The following PSD3 variants were observed in gnomAD, a reference collection of about 807,000 sequenced individuals.
The protein encoded by PSD3 is PH and SEC7 domain-containing protein 3.
Under a neutral mutation model 105.5 loss-of-function variants are expected in PSD3, and 49 were observed. The ratio of observed to expected loss-of-function variants is 0.46; its 90% CI spans 0.37 to 0.59. The LOEUF (loss-of-function observed/expected upper bound fraction) is 0.59, where lower values mean the gene tolerates loss of function less well. Ranked by LOEUF, PSD3 falls within the 20% of genes least tolerant of loss-of-function variation. The pLI, the probability that PSD3 is intolerant of heterozygous loss-of-function variation, is 0.00. For missense variants in PSD3, 1,561 were observed against 1,263.8 expected, an observed-to-expected ratio of 1.24 and a Z score of -3.57; for synonymous variants, 557 against 457.8, an observed-to-expected ratio of 1.22 and a Z score of -2.77.
intron 1 of PSD3, among the ~76,000 whole-genome samples, chr8:18,962,995 G>C (rs972738601): frequency 6.6e-6 from 1 of 152,198 alleles, no homozygotes; most frequent in East Asian, 1.9e-4. Context: ...ACCTGAGACT[G>C]GGGATAAAAA....
intron 4 of PSD3, among the ~76,000 whole-genome samples, chr8:18,839,374 A>G (rs1814420105): frequency 6.6e-6 from 1 of 152,194 alleles, no homozygotes; most frequent in Non-Finnish European, 1.5e-5. Flanking sequence ...ATAAACACCA[A>G]AAACAGTGGG....
chr8:19,084,338 T>C (rs1206444248), exon 1 of PSD3: 3 of 456,098 alleles, frequency 6.6e-6, no homozygotes, highest in Admixed American at 4.7e-5. Flanking sequence ...TGGGGAGTAT[T>C]TGGCAGGTCT....
rs532926075 is a variant in PSD3, at chr8:18,708,976, C to T, written c.2173-53291G>A. Among the ~76,000 whole-genome samples, 5 of 152,276 alleles carry T rather than the reference C, an allele frequency of 3.3e-5. No homozygotes were observed. The South Asian group carries it at 8.3e-4, about 25-fold the overall frequency. On this transcript the variant is annotated intron_variant, in intron 9 of 15. Coordinates refer to ENST00000327040, the MANE Select transcript of PSD3 (RefSeq NM_015310.4). Reference sequence around the variant, plus strand: ...TTTTTCCAAGTATCTATGCAACCTGCGGATCAGGAGATCCCCTTGTGAACC... The same window carrying T: ...TTTTTCCAAGTATCTATGCAACCTGTGGATCAGGAGATCCCCTTGTGAACC...
At chr8:18,550,230 T>A (rs1800680308) in intron 15 of PSD3, among the ~76,000 whole-genome samples, 1 of 152,324 alleles carries the variant, frequency 6.6e-6, no homozygotes, top group South Asian at 2.1e-4. Context: ...TTCTTTGCAA[T>A]CATCTACTAA....
chr8:18,758,210 A>C (rs1585862311), intron 9 of PSD3, among the ~76,000 whole-genome samples: 1 of 152,178 alleles, frequency 6.6e-6, no homozygotes, highest in African/African-American at 2.4e-5. Flanking sequence ...ACTCAGCGAT[A>C]ATCAGGAAGT....
chr8:18,730,824 A>G (rs1363158390), intron 9 of PSD3, among the ~76,000 whole-genome samples: 1 of 152,166 alleles, frequency 6.6e-6, no homozygotes, highest in Admixed American at 6.5e-5. Flanking sequence ...GAAAGACAAG[A>G]TGTGTGTACT....
At chr8:18,551,029 C>T (rs772802141) in intron 15 of PSD3, among the ~76,000 whole-genome samples, 14 of 152,184 alleles carry the variant, frequency 9.2e-5, no homozygotes, top group Non-Finnish European at 8.8e-5. Flanking sequence ...GCTATCTTTG[C>T]ACTTTTATGA....
chr8:18,578,672 G>A (rs1802612800), intron 12 of PSD3, among the ~76,000 whole-genome samples: 1 of 151,658 alleles, frequency 6.6e-6, no homozygotes, highest in African/African-American at 2.4e-5. Flanking sequence ...TATATTATCT[G>A]CTGATATCTT....
At chr8:18,906,171 C>A (rs756014251) in intron 2 of PSD3, among the ~76,000 whole-genome samples, 1 of 151,960 alleles carries the variant, frequency 6.6e-6, no homozygotes, top group Non-Finnish European at 1.5e-5. Flanking sequence ...AGCTACAGAC[C>A]CTCTCCTGAC....
chr8:18,925,722 CGA>C (rs1821320534), intron 2 of PSD3, among the ~76,000 whole-genome samples: 1 of 152,016 alleles, frequency 6.6e-6, no homozygotes, highest in African/African-American at 2.4e-5. Flanking sequence ...TTATAAAATT[CGA>C]GAGAGAAGTC....
intron 9 of PSD3, among the ~76,000 whole-genome samples, chr8:18,704,189 C>T: frequency 6.6e-6 from 1 of 152,174 alleles, no homozygotes; most frequent in Non-Finnish European, 1.5e-5. Context: ...CATAGCTTCA[C>T]ACAACCCTTT....
chr8:18,868,033 A>C lies in PSD3; in HGVS notation c.1275T>G (p.Asp425Glu). 1 of 1,613,274 alleles carries C rather than the reference A, an allele frequency of 6.2e-7. No homozygotes were observed. Among genetic ancestry groups the C allele is most frequent in the Non-Finnish European group, 8.5e-7 (1 of 1,179,694 alleles). ...TATATCCAGGCCCAAGGATGTCTTC[A>C]TCTTCCCCCTTAACGTGCTCCTCTT... Reference protein sequence around the residue: ...SEQEEHVKGEDEDILGPGYTE... With the variant: ...SEQEEHVKGEEEDILGPGYTE... Residue 425 changes from aspartate (D) to glutamate (E), a missense_variant, in exon 4 of 16, where the codon GAT (aspartate) becomes GAG (glutamate). By Grantham distance (45) the Asp-to-Glu change is conservative. Coordinates refer to ENST00000327040, the MANE Select transcript of PSD3 (RefSeq NM_015310.4).
At chr8:18,770,019 T>A (rs886830222) in intron 8 of PSD3, among the ~76,000 whole-genome samples, 1 of 152,222 alleles carries the variant, frequency 6.6e-6, no homozygotes, top group Non-Finnish European at 1.5e-5. Flanking sequence ...TTGAGTCCTA[T>A]GGTAATCTTG....
chr8:18,870,683 C>CA (rs11367308), intron 3 of PSD3, among the ~76,000 whole-genome samples: 160 of 124,198 alleles, frequency 1.3e-3, no homozygotes, highest in Non-Finnish European at 1.7e-3. Context: ...GTATAATTTA[C>CA]AAAAAAAAAA....
intron 1 of PSD3, among the ~76,000 whole-genome samples, chr8:18,948,027 T>C (rs576441094): frequency 6.6e-6 from 1 of 152,316 alleles, no homozygotes; most frequent in South Asian, 2.1e-4. Context: ...CCGACTATTA[T>C]GAGTTCACAG....
intron 8 of PSD3, among the ~76,000 whole-genome samples, chr8:18,771,126 C>A (rs1458330583): frequency 6.6e-6 from 1 of 152,218 alleles, no homozygotes; most frequent in Non-Finnish European, 1.5e-5. Flanking sequence ...TCTCCTCTCT[C>A]TGCTGGCTGA....
chr8:18,704,782 G>T (rs1337443912), intron 9 of PSD3, among the ~76,000 whole-genome samples: 1 of 151,946 alleles, frequency 6.6e-6, no homozygotes, highest in East Asian at 1.9e-4. Context: ...ATTAAAAACT[G>T]AAAGTAGAAA....
Position 18,808,874 on chromosome 8 carries a change from C to A in PSD3, c.1635-3976G>T, listed in dbSNP as rs191202997. ...GCTCCCAAGTTCAGTGACTGCCGAG[C>A]CTCACAGCCTTCCAAGAACCTGGCT... On this transcript the variant is annotated intron_variant, in intron 4 of 15. Coordinates refer to ENST00000327040, the MANE Select transcript of PSD3 (RefSeq NM_015310.4). 2.1e-5 allele frequency: 33 copies of A among 1,588,480 alleles called. No homozygotes were observed. The Admixed American group carries it at 4.0e-4, about 19-fold the overall frequency.
At chr8:19,001,791 G>T in intron 1 of PSD3, 1 of 156,594 alleles carries the variant, frequency 6.4e-6, no homozygotes, top group South Asian at 2.0e-4. Context: ...ATCTCAGGAT[G>T]ACCAAAGAGT....
Sources: gnomAD v4.1 joint callset for allele counts (sites outside exome capture counted in the v4.1 genomes callset) on GRCh38, gnomAD v4.1.1 for gene constraint, MANE v1.5 for transcripts, NCBI Gene and HGNC (gene_info 2026-07-23, HGNC 2026-07-21) for gene names.